The following DNAH5 variants were observed in gnomAD, a reference collection of about 807,000 sequenced individuals.
DNAH5 encodes dynein axonemal heavy chain 5, also known as axonemal beta dynein heavy chain 5.
Under a neutral mutation model 518.2 loss-of-function variants are expected in DNAH5, and 372 were observed. The ratio of observed to expected loss-of-function variants is 0.72; its 90% CI spans 0.66 to 0.78. The LOEUF is 0.78. Ranked by LOEUF, DNAH5 falls within the 30% of genes least tolerant of loss-of-function variation. DNAH5 has a pLI of 0.00. For synonymous variants in DNAH5, 2,039 were observed against 2,025.9 expected (o/e 1.01, Z -0.17); for missense variants, 5,523 against 5,687.0 (o/e 0.97, Z 0.93).
At chr5:14,001,617 C>T (rs1248915275) in intron 1 of DNAH5, among the ~76,000 whole-genome samples, 1 of 151,966 alleles carries the variant, frequency 6.6e-6, no homozygotes, top group Non-Finnish European at 1.5e-5. Flanking sequence ...CCCGCCTCAG[C>T]CTCCCAAAGT....
In DNAH5 at chr5:13,900,267, GGA is replaced by G; in HGVS notation, c.2196_2197del (p.Pro733ThrfsTer11). 1.2e-6 allele frequency: 2 copies of G among 1,614,120 alleles called. No homozygotes were observed. Among genetic ancestry groups the G allele is most frequent in the Non-Finnish European group, 1.7e-6 (2 of 1,179,984 alleles). On this transcript the variant is annotated frameshift_variant, in exon 15 of 79. Transcript: ENST00000265104. LOFTEE classifies it high-confidence loss of function. The stretch of plus-strand genomic sequence containing the variant: ...TTTCTGGAAGAGGGAAGTTGCCAGT[GGA>G]GAGACTTCCAGACCCATCTGGGCCA...
At chr5:13,934,246 C>A (rs1778705554) in intron 1 of DNAH5, among the ~76,000 whole-genome samples, 1 of 152,146 alleles carries the variant, frequency 6.6e-6, no homozygotes, top group Admixed American at 6.5e-5. Context: ...ACCCCAGCAC[C>A]AACTTTCAGC....
chr5:13,897,297 T>G (rs568533373), intron 15 of DNAH5, among the ~76,000 whole-genome samples: 1 of 152,376 alleles, frequency 6.6e-6, no homozygotes, highest in Non-Finnish European at 1.5e-5. Context: ...ACTGCTTGTT[T>G]TTTTTCAATG....
chr5:13,758,594 C>T (rs1045066857), intron 61 of DNAH5, among the ~76,000 whole-genome samples: 4 of 152,106 alleles, frequency 2.6e-5, no homozygotes, highest in African/African-American at 4.8e-5. Context: ...AAAAACATAA[C>T]AAAAATGCTA....
At chr5:13,882,650 T>C in intron 21 of DNAH5, 78 bp downstream of exon 21, 1 of 1,098,096 alleles carries the variant, frequency 9.1e-7, no homozygotes, top group Non-Finnish European at 1.4e-6. Context: ...GAGAATTACA[T>C]GGAGGGGTTA....
Position 13,866,202 on chromosome 5 carries a change from A to G in DNAH5, c.4116+18T>C, listed in dbSNP as rs1561465206. The G allele has an allele frequency of 6.2e-7, 1 of 1,610,912 alleles. No homozygotes were observed. Among genetic ancestry groups the G allele is most frequent in the Non-Finnish European group, 8.5e-7 (1 of 1,177,500 alleles). Reference sequence around the variant, plus strand: ...AAAGTTTCATTGTTTAGAAAGTCATAGAAACTAAAAAGATTACCTGAAACA... The same window carrying G: ...AAAGTTTCATTGTTTAGAAAGTCATGGAAACTAAAAAGATTACCTGAAACA... On this transcript the variant is annotated intron_variant, in intron 26 of 78. Coordinates refer to ENST00000265104, the MANE Select transcript of DNAH5 (RefSeq NM_001369.3).
At chr5:13,919,533 C>T (rs1009662579) in intron 6 of DNAH5, 181 bp from the exon 7 acceptor site, 27 of 630,488 alleles carry the variant, frequency 4.3e-5, no homozygotes, top group African/African-American at 3.8e-4. Context: ...AAAACTTCAA[C>T]GAAAATCTCT....
chr5:13,699,902 G>A (rs932701585), intron 78 of DNAH5, among the ~76,000 whole-genome samples: 2 of 152,148 alleles, frequency 1.3e-5, no homozygotes, highest in Admixed American at 1.3e-4. Flanking sequence ...TATTGCTGTA[G>A]AGATGTTAGC....
intron 25 of DNAH5, 142 bp from the exon 26 acceptor site, chr5:13,866,424 A>G (rs1769262756): frequency 1.4e-6 from 1 of 722,992 alleles, no homozygotes; most frequent in Admixed American, 3.2e-5. Flanking sequence ...AAAGGGCCTC[A>G]CAAAGTGATT....
At chr5:13,851,454 T>G (rs1182681655) in intron 30 of DNAH5, among the ~76,000 whole-genome samples, 1 of 152,088 alleles carries the variant, frequency 6.6e-6, no homozygotes, top group Non-Finnish European at 1.5e-5. Context: ...ACTACAGGCA[T>G]GTGCCACCAT....
At chr5:13,930,017 G>T (rs1220639530) in intron 2 of DNAH5, among the ~76,000 whole-genome samples, 1 of 152,166 alleles carries the variant, frequency 6.6e-6, no homozygotes, top group Non-Finnish European at 1.5e-5. Context: ...CTGAGAACAG[G>T]GACCGACACA....
At chr5:13,807,993 G>C (rs756014057) in intron 46 of DNAH5, among the ~76,000 whole-genome samples, 8 of 152,056 alleles carry the variant, frequency 5.3e-5, no homozygotes, top group Non-Finnish European at 1.2e-4. Flanking sequence ...ACTTTGGGAG[G>C]CTGAGGTAGG....
intron 35 of DNAH5, among the ~76,000 whole-genome samples, chr5:13,836,920 C>T (rs953865543): frequency 2.0e-5 from 3 of 152,198 alleles, no homozygotes; most frequent in Admixed American, 6.5e-5. Flanking sequence ...TGACCCACCA[C>T]TGCTGGCTTT....
intron 58 of DNAH5, among the ~76,000 whole-genome samples, chr5:13,767,817 G>A (rs1752716649): frequency 6.6e-6 from 1 of 152,262 alleles, no homozygotes; most frequent in East Asian, 1.9e-4. Flanking sequence ...TGTGGCAATA[G>A]AACAGTTATC....
intron 31 of DNAH5, among the ~76,000 whole-genome samples, chr5:13,849,162 A>G (rs1766468228): frequency 6.6e-6 from 1 of 152,244 alleles, no homozygotes; most frequent in Admixed American, 6.5e-5. Context: ...AAACTTCCAC[A>G]TCTCCCCAGC....
intron 78 of DNAH5, 78 bp from the exon 79 acceptor site, chr5:13,692,213 G>T: frequency 6.7e-7 from 1 of 1,497,522 alleles, no homozygotes. Context: ...CCATGCTTCT[G>T]CATTCTGTAG....
chr5:13,984,659 G>A (rs1782909180), intron 1 of DNAH5, among the ~76,000 whole-genome samples: 1 of 152,208 alleles, frequency 6.6e-6, no homozygotes. Context: ...GATATTGGCT[G>A]TGGGTTTGTC....
In DNAH5 at chr5:13,701,420, C is replaced by G. The variant is rs1437049593; in HGVS notation, c.13355G>C (p.Ser4452Thr). Residue 4452 changes from serine (S) to threonine (T), a missense_variant, in exon 77 of 79, where the codon AGT becomes ACT. By Grantham distance (58) the Ser-to-Thr change is moderately conservative. Coordinates refer to ENST00000265104, the MANE Select transcript of DNAH5 (RefSeq NM_001369.3). The stretch of plus-strand genomic sequence containing the variant: ...TTCAGTAAACCAGAAACCCAGTGTA[C>G]TAGAAATCCAAGAAGCCTGCAATGA... Reference protein sequence around the residue: ...AWWKKASWISSTLGFWFTELI... With the variant: ...AWWKKASWISTTLGFWFTELI... 3 of 1,611,708 alleles carry G rather than the reference C, an allele frequency of 1.9e-6. No homozygotes were observed. The highest frequency in any genetic ancestry group is 4.5e-5 in the East Asian group (2 of 44,848).
intron 59 of DNAH5, among the ~76,000 whole-genome samples, chr5:13,764,822 G>T (rs1752289988): frequency 6.6e-6 from 1 of 152,166 alleles, no homozygotes; most frequent in African/African-American, 2.4e-5. Context: ...CAAACAAAAT[G>T]AAGCATATTA....
Sources: allele counts gnomAD v4.1 joint callset (sites outside exome capture counted in the v4.1 genomes callset), GRCh38; gene constraint gnomAD v4.1.1; transcripts MANE v1.5; gene names NCBI Gene and HGNC (gene_info 2026-07-23, HGNC 2026-07-21).